Variants in SEMA3D observed in about 807,000 individuals in gnomAD.
The protein encoded by SEMA3D is semaphorin 3D.
A neutral mutation model predicts 100.1 loss-of-function variants in SEMA3D; 84 were observed. That is an observed-to-expected ratio of 0.84 (90% CI 0.70 to 1.01). The LOEUF is 1.01. SEMA3D is among the 50% of genes least tolerant of loss of function. The pLI, the probability that SEMA3D is intolerant of heterozygous loss-of-function variation, is 0.00. For missense variants in SEMA3D, 875 were observed against 934.1 expected (o/e 0.94, Z 0.82); for synonymous variants, 312 against 320.7 (o/e 0.97, Z 0.29).
At chr7:85,015,832 T>C (rs1304593515) in intron 15 of SEMA3D, among the ~76,000 whole-genome samples, 1 of 151,770 alleles carries the variant, frequency 6.6e-6, no homozygotes. Context: ...ATTTTCAATA[T>C]AAGTCCTGAA....
At chr7:85,117,724 G>A (rs1252503661) in intron 3 of SEMA3D, among the ~76,000 whole-genome samples, 1 of 152,012 alleles carries the variant, frequency 6.6e-6, no homozygotes. Context: ...AGTGATCCAA[G>A]ATCTTGCCAC....
the SEMA3D span, among the ~76,000 whole-genome samples, chr7:85,246,660 G>T: frequency 3.3e-5 from 5 of 151,756 alleles, no homozygotes; most frequent in African/African-American, 1.2e-4. Flanking sequence ...ATGTAATAAT[G>T]GGAATATAGG....
intron 6 of SEMA3D, among the ~76,000 whole-genome samples, chr7:85,070,443 C>A (rs1437249981): frequency 1.3e-5 from 2 of 152,120 alleles, no homozygotes; most frequent in Non-Finnish European, 2.9e-5. Context: ...TGAAGTATAC[C>A]TTTTTCCGCT....
intron 2 of SEMA3D, among the ~76,000 whole-genome samples, chr7:85,125,446 T>C (rs1163132416): frequency 6.6e-6 from 1 of 152,106 alleles, no homozygotes; most frequent in Non-Finnish European, 1.5e-5. Flanking sequence ...AGTAACACTG[T>C]TCCTTGTAAC....
intron 9 of SEMA3D, among the ~76,000 whole-genome samples, chr7:85,045,034 G>T (rs879730373): frequency 3.9e-5 from 6 of 151,950 alleles, no homozygotes; most frequent in Admixed American, 2.6e-4. Flanking sequence ...TAGACTAAGG[G>T]CCAAGGATTT....
At chr7:85,165,224 TAAA>T in intron 1 of SEMA3D, among the ~76,000 whole-genome samples, 1 of 131,434 alleles carries the variant, frequency 7.6e-6, no homozygotes, top group East Asian at 2.5e-4. Context: ...ATAATAATAA[TAAA>T]ACTTTTTTAT....
At chr7:85,030,324 T>A (rs980308248) in intron 12 of SEMA3D, among the ~76,000 whole-genome samples, 1 of 152,016 alleles carries the variant, frequency 6.6e-6, no homozygotes, top group Non-Finnish European at 1.5e-5. Flanking sequence ...AAAATGAATT[T>A]ATGAAATATT....
chr7:85,195,251 G>T, the SEMA3D span, among the ~76,000 whole-genome samples: 2 of 152,026 alleles, frequency 1.3e-5, no homozygotes, highest in East Asian at 3.9e-4. Flanking sequence ...TTGGTTAAAT[G>T]ATAGTAAAGG....
chr7:85,142,960 T>C, intron 2 of SEMA3D: 1 of 985,300 alleles, frequency 1.0e-6, no homozygotes, highest in Non-Finnish European at 1.2e-6. Flanking sequence ...GGAAAAGTAA[T>C]GCCAAGAGCA....
At chr7:85,005,159 T>C (rs1227038760) in intron 18 of SEMA3D, among the ~76,000 whole-genome samples, 1 of 152,032 alleles carries the variant, frequency 6.6e-6, no homozygotes, top group African/African-American at 2.4e-5. Context: ...TATCCAACTT[T>C]ATTCGCTATG....
chr7:85,204,826 AG>A, the SEMA3D span, among the ~76,000 whole-genome samples: 1 of 152,078 alleles, frequency 6.6e-6, no homozygotes, highest in Non-Finnish European at 1.5e-5. Context: ...TTCCAAATAT[AG>A]TAAGAACTCC....
intron 2 of SEMA3D, among the ~76,000 whole-genome samples, chr7:85,125,555 T>C (rs1301753856): frequency 6.6e-6 from 1 of 152,068 alleles, no homozygotes; most frequent in East Asian, 1.9e-4. Context: ...GAACCTGTAC[T>C]TGGAGGAACA....
intron 1 of SEMA3D, among the ~76,000 whole-genome samples, chr7:85,158,469 G>C (rs1243167383): frequency 6.6e-6 from 1 of 152,056 alleles, no homozygotes; most frequent in Non-Finnish European, 1.5e-5. Context: ...AATAAATTTT[G>C]GTCAGACCGA....
intron 2 of SEMA3D, among the ~76,000 whole-genome samples, chr7:85,130,579 A>G (rs1205442762): frequency 6.6e-6 from 1 of 152,176 alleles, no homozygotes. Context: ...ATTTTGCTAT[A>G]AATAATTTAC....
the SEMA3D span, among the ~76,000 whole-genome samples, chr7:85,236,898 G>A: frequency 6.6e-6 from 1 of 152,212 alleles, no homozygotes; most frequent in East Asian, 1.9e-4. Context: ...TAAAGGAGGA[G>A]GCAGTGTTAA....
chr7:85,176,587 G>A (rs920317542), intron 1 of SEMA3D, among the ~76,000 whole-genome samples: 25 of 152,002 alleles, frequency 1.6e-4, no homozygotes, highest in South Asian at 1.2e-3. Flanking sequence ...TAAATATAAG[G>A]TAAAAATAGT....
intron 4 of SEMA3D, among the ~76,000 whole-genome samples, chr7:85,091,882 G>T (rs762484812): frequency 6.6e-6 from 1 of 152,018 alleles, no homozygotes; most frequent in Non-Finnish European, 1.5e-5. Context: ...TCTGACTCAG[G>T]AGATAGAGTA....
At chr7:85,126,397 TGTGTGTC>T (rs879411697) in intron 2 of SEMA3D, among the ~76,000 whole-genome samples, 1,247 of 113,152 alleles carry the variant, frequency 0.011, 11 homozygotes, top group Non-Finnish European at 0.013. Flanking sequence ...TGTGTGTGTG[TGTGTGTC>T]GTGTGTGTGT....
the SEMA3D span, among the ~76,000 whole-genome samples, chr7:85,217,506 G>A: frequency 2.0e-5 from 3 of 152,094 alleles, no homozygotes; most frequent in African/African-American, 7.2e-5. Flanking sequence ...TAATTCAAGG[G>A]ACAATGAAGA....
Sources: allele counts gnomAD v4.1 joint callset (sites outside exome capture counted in the v4.1 genomes callset), GRCh38; gene constraint gnomAD v4.1.1; transcripts MANE v1.5; gene names NCBI Gene and HGNC (gene_info 2026-07-23, HGNC 2026-07-21).